Variants in PCDHA6 observed in about 807,000 individuals in gnomAD.
PCDHA6 encodes the protein protocadherin alpha-6.
A neutral mutation model predicts 60.3 loss-of-function variants in PCDHA6; 55 were observed. The observed-to-expected ratio is 0.91, with a 90% CI of 0.73 to 1.14. The LOEUF is 1.14. Among genes scored for constraint, PCDHA6 ranks in the 50% most tolerant of loss-of-function variants. The pLI is 0.00. For missense variants in PCDHA6, 1,327 were observed against 1,256.5 expected (o/e 1.06, Z -0.85); for synonymous variants, 652 against 557.9 (o/e 1.17, Z -2.38).
intron 1 of PCDHA6, chr5:140,877,530 T>C: frequency 1.2e-6 from 2 of 1,613,780 alleles, no homozygotes; most frequent in Non-Finnish European, 1.7e-6. Context: ...CAGTGGGCGC[T>C]GTGGATCCCG....
At chr5:140,899,508 T>C (rs1389762615) in intron 1 of PCDHA6, among the ~76,000 whole-genome samples, 4 of 151,990 alleles carry the variant, frequency 2.6e-5, no homozygotes, top group Admixed American at 1.3e-4. Flanking sequence ...GATTTGCATA[T>C]ATTGCATCCC....
chr5:140,982,582 T>C lies in PCDHA6; in HGVS notation c.2542+19T>C. On this transcript the variant is annotated intron_variant, in intron 3 of 3. Transcript: ENST00000529310. ...ACACCAGGTAAAGAGCTGGGGTCTC[T>C]CCATTCTTTCTTGGTTTCTGGAAAG... 6.2e-7 allele frequency: 1 copy of C among 1,612,148 alleles called. No homozygotes were observed. Among genetic ancestry groups the C allele is most frequent in the Non-Finnish European group, 8.5e-7 (1 of 1,178,720 alleles).
chr5:140,842,275 C>A, intron 1 of PCDHA6: 2 of 1,610,286 alleles, frequency 1.2e-6, no homozygotes, highest in Non-Finnish European at 8.5e-7. Flanking sequence ...TATACAAAAT[C>A]CTCATTGACG....
intron 1 of PCDHA6, chr5:140,835,670 C>G (rs1554135177): frequency 1.2e-6 from 2 of 1,613,852 alleles, no homozygotes; most frequent in East Asian, 2.2e-5. Context: ...CCGCGCGGGA[C>G]GGGGGCTCGC....
rs781793178 is a variant in PCDHA6 at position 140,857,329 on chromosome 5, G to A, written c.2394+26844G>A. ...CCTATGAGCTGGTGGTGACCGCGCGGGACGGGGGCTCGCCTCCGCTGTGGG... is the reference window on the plus strand; with the variant it reads ...CCTATGAGCTGGTGGTGACCGCGCGAGACGGGGGCTCGCCTCCGCTGTGGG... On this transcript the variant is annotated intron_variant, in intron 1 of 3. Coordinates refer to ENST00000529310, the MANE Select transcript of PCDHA6 (RefSeq NM_018909.4). 1.7e-5 allele frequency: 27 copies of A among 1,598,568 alleles called. 1 individual carries two copies. In the South Asian group the frequency reaches 2.9e-4, roughly 17 times the overall value.
rs1464705038 is a variant in PCDHA6 at position 140,883,214 on chromosome 5, T to C, written c.2394+52729T>C. 4.3e-6 allele frequency: 7 copies of C among 1,613,892 alleles called. No individual in the cohort carries two copies. The highest frequency in any genetic ancestry group is 5.9e-6 in the Non-Finnish European group (7 of 1,180,024). The stretch of plus-strand genomic sequence containing the variant: ...ACTAGATTTCGAAGAAAAGAAATTA[T>C]ATGAAATATCCGTGGAGGCAGTTGA... On this transcript the variant is annotated intron_variant, in intron 1 of 3. Coordinates refer to ENST00000529310, the MANE Select transcript of PCDHA6 (RefSeq NM_018909.4).
rs1554253792 is a variant in PCDHA6 at position 140,993,501 on chromosome 5, C to CACAT, written c.2542+10941_2542+10942insTACA. ...ACACACACACACACACACACACACA[C>CACAT]ACACACACGGGGAGAGAGAGACAGA... is the stretch of plus-strand genomic sequence containing the variant. On this transcript the variant is annotated intron_variant, in intron 3 of 3. Transcript: ENST00000529310. Among the ~76,000 whole-genome samples, 4 of 149,100 alleles carry CACAT rather than the reference C, an allele frequency of 2.7e-5. No individual in the cohort carries two copies. In the East Asian group the frequency reaches 5.8e-4, roughly 22 times the overall value.
chr5:140,939,171 T>C (rs2092330047), intron 1 of PCDHA6, among the ~76,000 whole-genome samples: 1 of 152,170 alleles, frequency 6.6e-6, no homozygotes. Flanking sequence ...TGTCTGGTAA[T>C]GGCCCACTCC....
In PCDHA6 at chr5:141,009,984, G is replaced by A. The variant is rs782207623; in HGVS notation, c.*47G>A. 6.3e-7 allele frequency: 1 copy of A among 1,581,532 alleles called. No homozygotes were observed. Among genetic ancestry groups the A allele is most frequent in the Admixed American group, 1.9e-5 (1 of 53,968 alleles). On this transcript the variant is annotated 3_prime_UTR_variant, in exon 4 of 4. Transcript: ENST00000529310. ...CACTTAGCCAGTTTTTGTAATAATG[G>A]CAAATCTCTCCCATGTAGCAATTCC... is the stretch of plus-strand genomic sequence containing the variant.
At chr5:140,842,129 G>A (rs1181203703) in intron 1 of PCDHA6, 2 of 1,613,748 alleles carry the variant, frequency 1.2e-6, no homozygotes, top group Non-Finnish European at 1.7e-6. Context: ...TTCTGATCCG[G>A]ATGAAGGAGC....
intron 1 of PCDHA6, among the ~76,000 whole-genome samples, chr5:140,918,378 T>C (rs2078665832): frequency 6.6e-6 from 1 of 152,192 alleles, no homozygotes; most frequent in South Asian, 2.1e-4. Flanking sequence ...GGATGCCTTT[T>C]ATTTCTTTCT....
chr5:140,916,747 G>A (rs1445361224), intron 1 of PCDHA6, among the ~76,000 whole-genome samples: 1 of 152,220 alleles, frequency 6.6e-6, no homozygotes, highest in Non-Finnish European at 1.5e-5. Context: ...TTCACTGCCT[G>A]GGATTAGGGG....
chr5:140,889,103 T>C (rs1554183781), intron 1 of PCDHA6, among the ~76,000 whole-genome samples: 2 of 151,990 alleles, frequency 1.3e-5, no homozygotes. Flanking sequence ...TTTTTTCATC[T>C]TTATTCCAGG....
intron 1 of PCDHA6, among the ~76,000 whole-genome samples, chr5:140,913,421 A>T (rs2076328410): frequency 6.6e-6 from 1 of 152,144 alleles, no homozygotes; most frequent in Non-Finnish European, 1.5e-5. Flanking sequence ...CTGCAGTATC[A>T]GTTGTAATGC....
intron 1 of PCDHA6, among the ~76,000 whole-genome samples, chr5:140,925,941 GAGA>G (rs1554203013): frequency 7.2e-6 from 1 of 138,610 alleles, no homozygotes; most frequent in East Asian, 1.9e-4. Flanking sequence ...GAGCCTCTTG[GAGA>G]AGGAGAAACT....
chr5:141,002,049 A>G (rs1288460436), intron 3 of PCDHA6, among the ~76,000 whole-genome samples: 1 of 152,228 alleles, frequency 6.6e-6, no homozygotes, highest in Non-Finnish European at 1.5e-5. Flanking sequence ...CTGGGCATCC[A>G]GAGGCAGCAG....
At chr5:140,872,977 GC>G (rs1326111410) in intron 1 of PCDHA6, among the ~76,000 whole-genome samples, 3 of 152,086 alleles carry the variant, frequency 2.0e-5, no homozygotes, top group African/African-American at 7.2e-5. Context: ...GAAGATTTGA[GC>G]AAAGATCATT....
At chr5:140,937,568 G>T (rs1342447969) in intron 1 of PCDHA6, among the ~76,000 whole-genome samples, 1 of 151,920 alleles carries the variant, frequency 6.6e-6, no homozygotes, top group East Asian at 1.9e-4. Context: ...AGTGAGCTGG[G>T]ATCGCGTCAC....
intron 1 of PCDHA6, among the ~76,000 whole-genome samples, chr5:140,888,659 C>A (rs1373585694): frequency 6.6e-6 from 1 of 152,198 alleles, no homozygotes; most frequent in Non-Finnish European, 1.5e-5. Context: ...AGGACACCAC[C>A]TAATGCCCTG....
Sources: gnomAD v4.1 joint callset for allele counts (sites outside exome capture counted in the v4.1 genomes callset) on GRCh38, gnomAD v4.1.1 for gene constraint, MANE v1.5 for transcripts, NCBI Gene and HGNC (gene_info 2026-07-23, HGNC 2026-07-21) for gene names.